The following SV2C variants were observed in gnomAD, a reference collection of about 807,000 sequenced individuals.
The protein encoded by SV2C is solute carrier family 22 member B3.
A neutral mutation model predicts 79.7 loss-of-function variants in SV2C; 49 were observed. That is an observed-to-expected ratio of 0.61 (90% confidence interval 0.49 to 0.78). SV2C has a LOEUF of 0.78. SV2C is among the 30% of genes least tolerant of loss of function. SV2C has a pLI of 0.00. For synonymous variants in SV2C, 334 were observed against 333.2 expected (o/e 1.00, Z -0.03); for missense variants, 833 against 912.9 (o/e 0.91, Z 1.13).
chr5:76,246,038 A>G (rs1200337215), intron 4 of SV2C, among the ~76,000 whole-genome samples: 1 of 151,936 alleles, frequency 6.6e-6, no homozygotes, highest in Non-Finnish European at 1.5e-5. Flanking sequence ...TCTGAAGGAC[A>G]TATATTTATC....
At chr5:75,990,312 C>T in the SV2C span, among the ~76,000 whole-genome samples, 2 of 151,674 alleles carry the variant, frequency 1.3e-5, no homozygotes, top group Non-Finnish European at 2.9e-5. Context: ...ATCTTGAGTT[C>T]GTTTTTAAAT....
intron 12 of SV2C, among the ~76,000 whole-genome samples, chr5:76,314,823 T>G (rs766951529): frequency 6.6e-6 from 1 of 152,182 alleles, no homozygotes; most frequent in Non-Finnish European, 1.5e-5. Flanking sequence ...AACAGCTCAC[T>G]TGGCTGTTGG....
intron 9 of SV2C, among the ~76,000 whole-genome samples, chr5:76,297,637 T>C (rs1747821431): frequency 6.6e-6 from 1 of 152,182 alleles, no homozygotes; most frequent in Non-Finnish European, 1.5e-5. Context: ...GGAGTGGGGA[T>C]TGAAACGAGA....
At chr5:75,926,585 A>T in the SV2C span, among the ~76,000 whole-genome samples, 2 of 152,124 alleles carry the variant, frequency 1.3e-5, no homozygotes, top group African/African-American at 2.4e-5. Flanking sequence ...TATTCTATGG[A>T]TCTAGTGGCT....
chr5:75,975,742 G>A, the SV2C span, among the ~76,000 whole-genome samples: 1 of 152,158 alleles, frequency 6.6e-6, no homozygotes, highest in Admixed American at 6.5e-5. Flanking sequence ...GTAAAATAGA[G>A]ATGGGATTAG....
chr5:76,147,812 G>T (rs11742697), intron 2 of SV2C, among the ~76,000 whole-genome samples: 49,412 of 151,940 alleles, frequency 0.33, 9,590 homozygotes, highest in Non-Finnish European at 0.45. Context: ...AGCTCTTTTT[G>T]CTTAAGCTTA....
chr5:76,149,479 C>T lies in SV2C; in HGVS notation c.580+17149C>T, dbSNP rs566376119. Among the ~76,000 whole-genome samples the T allele has an allele frequency of 9.2e-5, 14 of 152,316 alleles. No homozygotes were observed. The East Asian group carries it at 2.7e-3, about 29-fold the overall frequency. The stretch of plus-strand genomic sequence containing the variant: ...GTTGTGAATCCCACTTGGAGTGGTG[C>T]TGTCCTGAGCCTCCCAGCCAAGAAG... On this transcript the variant is annotated intron_variant, in intron 2 of 12. Transcript: ENST00000502798.
the SV2C span, among the ~76,000 whole-genome samples, chr5:76,013,286 C>T: frequency 7.4e-4 from 112 of 152,052 alleles, no homozygotes; most frequent in Non-Finnish European, 1.1e-3. Flanking sequence ...TTTCTTTGAG[C>T]GGTGGTTTGT....
chr5:76,090,199 C>T (rs1747328875), intron 1 of SV2C, among the ~76,000 whole-genome samples: 1 of 152,226 alleles, frequency 6.6e-6, no homozygotes. Flanking sequence ...TTAGCCTTAA[C>T]AGTCACACTA....
chr5:76,107,533 G>A (rs1372374989), intron 1 of SV2C, among the ~76,000 whole-genome samples: 1 of 152,138 alleles, frequency 6.6e-6, no homozygotes, highest in Admixed American at 6.5e-5. Flanking sequence ...ATTGATTACA[G>A]CAGTTACATA....
At chr5:76,060,033 G>C in the SV2C span, among the ~76,000 whole-genome samples, 1 of 152,080 alleles carries the variant, frequency 6.6e-6, no homozygotes, top group East Asian at 1.9e-4. Flanking sequence ...TTTTTAATGA[G>C]CAGTAGGCCT....
chr5:76,247,982 C>A (rs1386537616), intron 4 of SV2C, among the ~76,000 whole-genome samples: 1 of 152,068 alleles, frequency 6.6e-6, no homozygotes, highest in Non-Finnish European at 1.5e-5. Flanking sequence ...TAAGCAAGGC[C>A]GTAATGAAGG....
the SV2C span, among the ~76,000 whole-genome samples, chr5:75,955,802 C>T: frequency 0.24 from 35,394 of 146,932 alleles, 5,559 homozygotes; most frequent in Non-Finnish European, 0.36. Flanking sequence ...AAAATGCTCA[C>T]CATCACTGGC....
the SV2C span, among the ~76,000 whole-genome samples, chr5:75,886,003 C>T: frequency 1.4e-4 from 21 of 152,238 alleles, no homozygotes; most frequent in South Asian, 2.7e-3. Context: ...CCAGGATGGC[C>T]TTTCAGAGCT....
chr5:75,922,997 G>C, the SV2C span, among the ~76,000 whole-genome samples: 3 of 152,204 alleles, frequency 2.0e-5, no homozygotes, highest in East Asian at 5.8e-4. Flanking sequence ...CTGAGGCACA[G>C]AGGGATAAGT....
At chr5:75,910,444 C>T in the SV2C span, 10 of 601,616 alleles carry the variant, frequency 1.7e-5, no homozygotes, top group Non-Finnish European at 2.5e-5. Context: ...TTTCATGCAT[C>T]ACTTCAGCTG....
exon 13 of SV2C, chr5:76,353,686 T>A (rs1749686099): frequency 6.6e-6 from 1 of 152,334 alleles, no homozygotes; most frequent in East Asian, 1.9e-4. Context: ...GGGCCTTTGT[T>A]TTTGCTTGCC....
intron 2 of SV2C, among the ~76,000 whole-genome samples, chr5:76,155,875 T>C (rs1249074141): frequency 7.0e-6 from 1 of 142,696 alleles, no homozygotes; most frequent in African/African-American, 2.6e-5. Flanking sequence ...GACCTCTCAG[T>C]ATCTTACCAA....
At chr5:76,291,479 A>AT in intron 7 of SV2C, 148 bp downstream of exon 7, 1 of 637,626 alleles carries the variant, frequency 1.6e-6, no homozygotes, top group South Asian at 2.2e-5. Flanking sequence ...AGGTAATTGG[A>AT]TCCCACTCGA....
Sources: gnomAD v4.1 joint callset for allele counts (sites outside exome capture counted in the v4.1 genomes callset) on GRCh38, gnomAD v4.1.1 for gene constraint, MANE v1.5 for transcripts, NCBI Gene and HGNC (gene_info 2026-07-23, HGNC 2026-07-21) for gene names.